MAGED2: variants seen among roughly 807,000 people sequenced by gnomAD.
MAGED2 encodes the protein MAGE family member D2, also known as melanoma-associated antigen D2.
MAGED2 carries 6 observed loss-of-function variants against 41.7 expected under a neutral mutation model. The observed-to-expected ratio is 0.14, with a 90% CI of 0.08 to 0.28. The LOEUF (loss-of-function observed/expected upper bound fraction) is 0.28, where lower values mean the gene tolerates loss of function less well. MAGED2 is among the 10% of genes least tolerant of loss of function. The pLI is 1.00. For missense variants in MAGED2, 343 were observed against 486.4 expected (o/e 0.71, Z 2.77); for synonymous variants, 146 against 178.2 (o/e 0.82, Z 1.44).
In MAGED2 at chrX:54,812,960, C is replaced by A. The variant is rs761467957; in HGVS notation, c.1101C>A (p.Pro367=). ...ATTTCTCTAGGACTAAGGACTCACCCAAGCTGGGTCTGCTCATGGTGCTTC... is the reference window on the plus strand; with the variant it reads ...ATTTCTCTAGGACTAAGGACTCACCAAAGCTGGGTCTGCTCATGGTGCTTC... ...AGILGTTKDS[P]KLGLLMVLLS... The change falls in exon 8 of 13, where the codon CCC becomes CCA. Residue 367 remains proline (P), a synonymous_variant. Transcript: ENST00000375068. 6 of 1,208,056 alleles carry A rather than the reference C, an allele frequency of 5.0e-6. No individual in the cohort carries two copies. The highest frequency in any genetic ancestry group is 6.7e-6 in the Non-Finnish European group (6 of 893,704).
rs1929723380 is a variant in MAGED2 at position 54,809,318 on chromosome X, G to A, written c.-14G>A. On this transcript the variant is annotated 5_prime_UTR_variant, in exon 2 of 13. Transcript: ENST00000375068. Reference sequence around the variant, plus strand: ...TCCCCTTCAGGCTCAGCTCTTGCCAGGCCAAATTGAGACATGTCTGACACA... The same window carrying A: ...TCCCCTTCAGGCTCAGCTCTTGCCAAGCCAAATTGAGACATGTCTGACACA... The A allele has an allele frequency of 3.3e-6, 4 of 1,209,234 alleles. No homozygotes were observed. Among genetic ancestry groups the A allele is most frequent in the Admixed American group, 2.2e-5 (1 of 45,832 alleles).
At chrX:54,808,813 G>A (rs1929699237) in intron 1 of MAGED2, among the ~76,000 whole-genome samples, 1 of 112,413 alleles carries the variant, frequency 8.9e-6, no homozygotes, top group South Asian at 3.7e-4. Flanking sequence ...CTGCGGACCT[G>A]GAGAGGGGCG....
At chrX:54,810,415 A>C (rs1200274781) in intron 3 of MAGED2, among the ~76,000 whole-genome samples, 2 of 112,506 alleles carry the variant, frequency 1.8e-5, no homozygotes, top group Admixed American at 9.4e-5. Flanking sequence ...ATGTTTACAT[A>C]GTAGCTGCCC....
At chrX:54,812,022 G>A in intron 6 of MAGED2, 135 bp from the exon 7 acceptor site, 1 of 467,177 alleles carries the variant, frequency 2.1e-6, no homozygotes, top group East Asian at 3.8e-5. Context: ...CGGGTGCCAG[G>A]CACTTAGCTA....
intron 10 of MAGED2, 33 bp downstream of exon 10, chrX:54,813,583 A>G (rs1443545665): frequency 1.2e-5 from 14 of 1,135,990 alleles, no homozygotes; most frequent in South Asian, 1.8e-5. Context: ...CATGTGTCCC[A>G]TGCATTTGGC....
Position 54,809,971 on chromosome X carries a change from A to T in MAGED2, c.295A>T (p.Asn99Tyr). 1 of 1,205,813 alleles carries T rather than the reference A, an allele frequency of 8.3e-7. No homozygotes were observed. The highest frequency in any genetic ancestry group is 1.7e-5 in the African/African-American group (1 of 57,681). Residue 99 changes from asparagine (N) to tyrosine (Y), a missense_variant, in exon 3 of 13, where the codon AAC becomes TAC. Around this residue, in one of 3 missense-constraint regions of MAGED2, gnomAD observed 195 missense variants for 221.2 expected, o/e 0.88. Transcript: ENST00000375068. ...LTDTQVLAAENKSLAADTKKQ... is the reference protein window; with the variant it reads ...LTDTQVLAAEYKSLAADTKKQ... ...TGATACCCAGGTTCTGGCAGCTGAAAACAAGAGTCTAGCAGCTGACACCAA... is the reference window on the plus strand; with the variant it reads ...TGATACCCAGGTTCTGGCAGCTGAATACAAGAGTCTAGCAGCTGACACCAA...
At chrX:54,814,347 G>T in intron 10 of MAGED2, 1 of 441,002 alleles carries the variant, frequency 2.3e-6, no homozygotes, top group Non-Finnish European at 4.3e-6. Flanking sequence ...GCTTGGCCAG[G>T]CTGAGGCCAA....
At chrX:54,814,457 G>A (rs150465263) in intron 10 of MAGED2, 78 of 535,705 alleles carry the variant, frequency 1.5e-4, no homozygotes, top group African/African-American at 4.7e-4. Flanking sequence ...TGATGAGGGC[G>A]TCAAACTTGT....
rs779268605 is a variant in MAGED2 at position 54,810,891 on chromosome X, G to A, written c.608G>A (p.Arg203Gln). The A allele has an allele frequency of 6.6e-6, 8 of 1,203,219 alleles. No individual in the cohort carries two copies. In the Admixed American group the frequency reaches 8.9e-5, roughly 13 times the overall value. Residue 203 changes from arginine to glutamine, a missense_variant, in exon 4 of 13, where the codon CGA becomes CAA. Physicochemically the swap from Arg to Gln is conservative, Grantham distance 43. Coordinates refer to ENST00000375068, the MANE Select transcript of MAGED2 (RefSeq NM_177433.3). ...QSQASGTTGGRRVSKALMASM... is the reference protein window; with the variant it reads ...QSQASGTTGGQRVSKALMASM... ...CAGGCTTCTGGAACCACAGGTGGCC[G>A]AAGGGTCTCAAAGGCCCTAATGGCC... is the stretch of plus-strand genomic sequence containing the variant.
At chrX:54,811,527 A>T (rs1929802785) in intron 5 of MAGED2, 47 bp from the exon 6 acceptor site, 1 of 1,082,499 alleles carries the variant, frequency 9.2e-7, no homozygotes, top group Admixed American at 2.2e-5. Flanking sequence ...CATCAGGGCC[A>T]CCTGGCATCT....
At position 54,811,097 on chromosome X, in the gene MAGED2, C is replaced by A; in HGVS notation, c.814C>A (p.Pro272Thr). ...LQSSQEPEAP[P>T]PRDVALLQGR... ...GTCATCCCAAGAGCCTGAAGCACCACCACCTCGGGATGTGGCCCTTTTGCA... is the reference window on the plus strand; with the variant it reads ...GTCATCCCAAGAGCCTGAAGCACCAACACCTCGGGATGTGGCCCTTTTGCA... The change falls in exon 4 of 13, where the codon CCA becomes ACA. Residue 272 changes from proline (P) to threonine (T), a missense_variant. Physicochemically the swap from Pro to Thr is conservative, Grantham distance 38. This residue lies in a region of MAGED2 where 195 missense variants were observed against 221.2 expected (regional missense o/e 0.88). Transcript: ENST00000375068. 8.4e-7 allele frequency: 1 copy of A among 1,196,615 alleles called. No homozygotes were observed. Among genetic ancestry groups the A allele is most frequent in the Admixed American group, 2.3e-5 (1 of 44,161 alleles).
At chrX:54,814,837 G>C in intron 11 of MAGED2, 62 bp downstream of exon 11, 1 of 850,954 alleles carries the variant, frequency 1.2e-6, no homozygotes, top group Non-Finnish European at 1.8e-6. Context: ...GGCTGGGGCA[G>C]GCTGTGTGCA....
chrX:54,815,118 A>G (rs987923192), intron 11 of MAGED2, 130 bp from the exon 12 acceptor site: 1 of 774,303 alleles, frequency 1.3e-6, no homozygotes, highest in African/African-American at 2.1e-5. Flanking sequence ...AGCATGTAGC[A>G]TAGTGCCTAG....
intron 1 of MAGED2, 40 bp from the exon 2 acceptor site, chrX:54,809,263 T>A: frequency 9.2e-7 from 1 of 1,092,263 alleles, no homozygotes; most frequent in Non-Finnish European, 1.3e-6. Flanking sequence ...GAGAGGACGT[T>A]CAGTGGGCTT....
intron 10 of MAGED2, chrX:54,814,407 CTCT>C (rs1929900079): frequency 4.0e-6 from 2 of 504,733 alleles, no homozygotes; most frequent in Non-Finnish European, 7.3e-6. Context: ...AGAATGGCTC[CTCT>C]GTTTACAACA....
intron 7 of MAGED2, 88 bp from the exon 8 acceptor site, chrX:54,812,857 C>A: frequency 1.5e-6 from 1 of 681,457 alleles, no homozygotes. Context: ...TCTGAGGAAT[C>A]TGGGAGAGGC....
chrX:54,813,370 T>C, intron 9 of MAGED2, 118 bp from the exon 10 acceptor site: 1 of 834,284 alleles, frequency 1.2e-6, no homozygotes, highest in East Asian at 3.2e-5. Flanking sequence ...TCTATGGAGC[T>C]TCCCTCTTGT....
Position 54,809,955 on chromosome X carries a change from G to T in MAGED2, c.279G>T (p.Gln93His). ...CTACTACTCAGCTGACTGATACCCA[G>T]GTTCTGGCAGCTGAAAACAAGAGTC... ...ASSTTQLTDT[Q>H]VLAAENKSLA... Residue 93 changes from glutamine (Q) to histidine (H), a missense_variant, in exon 3 of 13, where the codon CAG becomes CAT. Around this residue, in one of 3 missense-constraint regions of MAGED2, gnomAD observed 195 missense variants for 221.2 expected, o/e 0.88. Transcript: ENST00000375068. 8.3e-7 allele frequency: 1 copy of T among 1,204,824 alleles called. No individual in the cohort carries two copies.
At chrX:54,810,671 A>G in intron 3 of MAGED2, 150 bp from the exon 4 acceptor site, 1 of 485,107 alleles carries the variant, frequency 2.1e-6, no homozygotes. Flanking sequence ...TCAGTGAGAA[A>G]CAAATCCAGG....
Sources: allele counts gnomAD v4.1 joint callset (sites outside exome capture counted in the v4.1 genomes callset), GRCh38; gene constraint gnomAD v4.1.1; regional missense constraint gnomAD v4.1.1; transcripts MANE v1.5; gene names NCBI Gene and HGNC (gene_info 2026-07-23, HGNC 2026-07-21).